The following GPC5 variants were observed in gnomAD, a reference collection of about 807,000 sequenced individuals.
GPC5 encodes the protein glypican 5.
Under a neutral mutation model 53.9 loss-of-function variants are expected in GPC5, and 47 were observed. That is an observed-to-expected ratio of 0.87 (90% confidence interval 0.69 to 1.11). GPC5 has a LOEUF of 1.11. GPC5 is among the 50% of genes most tolerant of loss of function. GPC5 has a pLI of 0.00. For synonymous variants in GPC5, 286 were observed against 263.3 expected (o/e 1.09, Z -0.84); for missense variants, 748 against 713.1 (o/e 1.05, Z -0.56).
At chr13:92,044,598 C>G (rs1466282647) in intron 6 of GPC5, among the ~76,000 whole-genome samples, 1 of 152,202 alleles carries the variant, frequency 6.6e-6, no homozygotes, top group African/African-American at 2.4e-5. Context: ...TAAAACCGGG[C>G]AGCAAGTGTT....
At chr13:92,647,513 C>T (rs1273229407) in intron 7 of GPC5, among the ~76,000 whole-genome samples, 1 of 151,998 alleles carries the variant, frequency 6.6e-6, no homozygotes, top group African/African-American at 2.4e-5. Flanking sequence ...TCCTCCTCTC[C>T]GGTTGAAGAC....
At position 92,538,815 on chromosome 13, in the gene GPC5, A is replaced by ATG. The variant is rs1237983374; in HGVS notation, c.1562-327466_1562-327465insGT. Reference sequence around the variant, plus strand: ...ACTCATATATATATACCTTGTATATATATATACACCATATATATATACCTT... The same window carrying ATG: ...ACTCATATATATATACCTTGTATATATGTATATACACCATATATATATACCTT... On this transcript the variant is annotated intron_variant, in intron 7 of 7. Coordinates refer to ENST00000377067, the MANE Select transcript of GPC5 (RefSeq NM_004466.6). Among the ~76,000 whole-genome samples the ATG allele has an allele frequency of 2.5e-3, 2 of 798 alleles. 1 individual carries two copies. The highest frequency in any genetic ancestry group is 2.6e-3 in the African/African-American group (2 of 756). 0.5% of individuals were successfully genotyped at this position (798 alleles called of 152,430 possible). A position where few individuals can be genotyped will look rare whatever the true frequency, so the allele number is the denominator to read the frequency against.
At chr13:91,965,172 T>C (rs1246939421) in intron 6 of GPC5, among the ~76,000 whole-genome samples, 1 of 151,924 alleles carries the variant, frequency 6.6e-6, no homozygotes, top group African/African-American at 2.4e-5. Flanking sequence ...ACATGGCAAA[T>C]GTATACATGT....
chr13:91,673,967 C>G (rs559511069), intron 2 of GPC5, among the ~76,000 whole-genome samples: 5 of 152,120 alleles, frequency 3.3e-5, no homozygotes, highest in Non-Finnish European at 7.4e-5. Flanking sequence ...AAAATAAAAT[C>G]CATTCGTCTA....
At chr13:92,014,204 T>C (rs1271613043) in intron 6 of GPC5, among the ~76,000 whole-genome samples, 1 of 152,224 alleles carries the variant, frequency 6.6e-6, no homozygotes, top group African/African-American at 2.4e-5. Flanking sequence ...AAGCCCATGA[T>C]GTAATGCTGA....
chr13:92,308,260 A>T (rs546826283), intron 7 of GPC5, among the ~76,000 whole-genome samples: 50 of 152,320 alleles, frequency 3.3e-4, no homozygotes, highest in African/African-American at 1.1e-3. Flanking sequence ...AGAGTTAAAA[A>T]TTAATTTAGG....
At chr13:91,628,439 A>T (rs1231695229) in intron 2 of GPC5, among the ~76,000 whole-genome samples, 1 of 152,040 alleles carries the variant, frequency 6.6e-6, no homozygotes, top group Non-Finnish European at 1.5e-5. Flanking sequence ...CATACATATC[A>T]TGTAGCTATG....
chr13:92,105,477 C>T (rs1036275043), intron 6 of GPC5, among the ~76,000 whole-genome samples: 3 of 152,128 alleles, frequency 2.0e-5, no homozygotes, highest in African/African-American at 7.2e-5. Context: ...TTTAGTTCAA[C>T]TTTTGTTTAA....
intron 7 of GPC5, among the ~76,000 whole-genome samples, chr13:92,393,302 C>G (rs905333419): frequency 6.6e-6 from 1 of 152,016 alleles, no homozygotes; most frequent in Non-Finnish European, 1.5e-5. Flanking sequence ...AATACAGGAA[C>G]AGAAAACCAA....
At chr13:91,878,629 C>A (rs144303172) in intron 5 of GPC5, among the ~76,000 whole-genome samples, 255 of 152,112 alleles carry the variant, frequency 1.7e-3, no homozygotes, top group African/African-American at 5.9e-3. Context: ...TGCTGCTGGT[C>A]TTGTGATAGT....
chr13:91,596,988 C>T (rs2033017333), intron 2 of GPC5, among the ~76,000 whole-genome samples: 1 of 152,178 alleles, frequency 6.6e-6, no homozygotes, highest in African/African-American at 2.4e-5. Flanking sequence ...TTGATTTCTC[C>T]AGACTCTCTG....
intron 5 of GPC5, among the ~76,000 whole-genome samples, chr13:91,893,865 G>C (rs758070113): frequency 5.3e-5 from 8 of 151,282 alleles, no homozygotes; most frequent in African/African-American, 1.9e-4. Flanking sequence ...CAAAATCCCC[G>C]TGTGGCCTTG....
chr13:91,534,965 A>G (rs577332910), intron 2 of GPC5, among the ~76,000 whole-genome samples: 1 of 152,262 alleles, frequency 6.6e-6, no homozygotes, highest in Admixed American at 6.5e-5. Flanking sequence ...ATCTAGTGAA[A>G]CCCACTGAGT....
At chr13:92,254,871 C>G (rs1009064704) in intron 7 of GPC5, among the ~76,000 whole-genome samples, 4 of 152,020 alleles carry the variant, frequency 2.6e-5, no homozygotes, top group African/African-American at 9.7e-5. Context: ...GTCCCTCCCC[C>G]AGTACATGGG....
intron 5 of GPC5, among the ~76,000 whole-genome samples, chr13:91,831,295 T>C (rs1181006651): frequency 6.6e-6 from 1 of 151,270 alleles, no homozygotes; most frequent in African/African-American, 2.4e-5. Context: ...GCTAGGACAA[T>C]CTCTCATTTT....
At chr13:92,753,733 T>C (rs1258451194) in intron 7 of GPC5, among the ~76,000 whole-genome samples, 1 of 151,238 alleles carries the variant, frequency 6.6e-6, no homozygotes, top group Non-Finnish European at 1.5e-5. Flanking sequence ...GTATCAGCAA[T>C]GGAAGATGAA....
chr13:91,578,501 A>G (rs1271379932), intron 2 of GPC5, among the ~76,000 whole-genome samples: 1 of 152,166 alleles, frequency 6.6e-6, no homozygotes, highest in Non-Finnish European at 1.5e-5. Flanking sequence ...CTTGAAGAGA[A>G]GTTTGATTCA....
intron 4 of GPC5, among the ~76,000 whole-genome samples, chr13:91,741,120 A>T (rs569150502): frequency 6.6e-6 from 1 of 152,110 alleles, no homozygotes; most frequent in Non-Finnish European, 1.5e-5. Flanking sequence ...TAAAAATAAG[A>T]TATTTTTACT....
chr13:92,813,261 C>A (rs906596820), intron 7 of GPC5, among the ~76,000 whole-genome samples: 1 of 151,846 alleles, frequency 6.6e-6, no homozygotes, highest in African/African-American at 2.4e-5. Flanking sequence ...ATGAAAACTG[C>A]TGGTCATTTT....
Sources: gnomAD v4.1 joint callset for allele counts (sites outside exome capture counted in the v4.1 genomes callset) on GRCh38, gnomAD v4.1.1 for gene constraint, MANE v1.5 for transcripts, NCBI Gene and HGNC (gene_info 2026-07-23, HGNC 2026-07-21) for gene names.